Variants in PHRF1 observed in about 807,000 individuals in gnomAD.
The protein encoded by PHRF1 is PHD and RING finger domain-containing protein 1.
A neutral mutation model predicts 128.9 loss-of-function variants in PHRF1; 53 were observed. That is an observed-to-expected ratio of 0.41 (90% confidence interval 0.33 to 0.52). The LOEUF (loss-of-function observed/expected upper bound fraction) is 0.52. Ranked by LOEUF, PHRF1 falls within the 20% of genes least tolerant of loss-of-function variation. The pLI is 0.21. For synonymous variants in PHRF1, 1,178 were observed against 980.6 expected, an observed-to-expected ratio of 1.20 and a Z score of -3.76; for missense variants, 2,503 against 2,284.5, an observed-to-expected ratio of 1.10 and a Z score of -1.95.
At chr11:606,222 TG>T (rs1299186892) in intron 12 of PHRF1, among the ~76,000 whole-genome samples, 1 of 152,298 alleles carries the variant, frequency 6.6e-6, no homozygotes, top group East Asian at 1.9e-4. Flanking sequence ...CTGGTTTCCC[TG>T]GGGCCAGAGC....
Position 610,554 on chromosome 11 carries a change from C to T in PHRF1, c.4470C>T (p.Pro1490=), listed in dbSNP as rs1228310248. ...CGGCCCAGCCCTCAAGCATCCCACC[C>T]TGCGCACTGGTCAGCCAGCCCACGG... ...PAPAQPSSIP[P]CALVSQPTVQ... is the part of the protein sequence containing the mutation. The change falls in exon 16 of 18, where the codon CCC becomes CCT. Residue 1490 remains proline, a synonymous_variant. Transcript: ENST00000264555. The T allele has an allele frequency of 6.8e-6, 11 of 1,606,232 alleles. No homozygotes were observed. Among genetic ancestry groups the T allele is most frequent in the Non-Finnish European group, 8.5e-6 (10 of 1,179,722 alleles).
intron 10 of PHRF1, among the ~76,000 whole-genome samples, chr11:603,676 T>C (rs1855769584): frequency 6.6e-6 from 1 of 151,608 alleles, no homozygotes; most frequent in South Asian, 2.1e-4. Context: ...GTTTATTTCC[T>C]AGTAAATATA....
chr11:593,562 G>A (rs1855106230), intron 6 of PHRF1, among the ~76,000 whole-genome samples: 1 of 152,242 alleles, frequency 6.6e-6, no homozygotes, highest in African/African-American at 2.4e-5. Flanking sequence ...CTCGTTGTTA[G>A]CCACATACCC....
Position 597,415 on chromosome 11 carries a change from G to A in PHRF1, c.739G>A (p.Glu247Lys), listed in dbSNP as rs766773465. 4 of 1,612,898 alleles carry A rather than the reference G, an allele frequency of 2.5e-6. No homozygotes were observed. Among genetic ancestry groups the A allele is most frequent in the Non-Finnish European group, 3.4e-6 (4 of 1,179,548 alleles). Residue 247 changes from glutamate to lysine, a missense_variant, in exon 8 of 18, where the codon GAG (glutamate) becomes AAG (lysine). By Grantham distance (56) the Glu-to-Lys change is moderately conservative. Transcript: ENST00000264555. The surrounding 1 kb of genome is among the most constrained non-coding windows in gnomAD (Gnocchi z 6.5). ...CCCAGATGCGGGTCCCGTGAGTGAG[G>A]AGGAGGTCTCCCTGCTCTTGGCTGA... ...LAADAGPVSE[E>K]EVSLLLADVV...
intron 10 of PHRF1, among the ~76,000 whole-genome samples, chr11:602,963 A>G (rs574734929): frequency 6.4e-4 from 98 of 152,020 alleles, no homozygotes; most frequent in African/African-American, 2.3e-3. Context: ...GGGTTTCACC[A>G]TGTTGATCAG....
At chr11:593,860 C>G (rs1334487615) in intron 6 of PHRF1, among the ~76,000 whole-genome samples, 2 of 152,208 alleles carry the variant, frequency 1.3e-5, no homozygotes, top group African/African-American at 4.8e-5. Flanking sequence ...TCCTTTCTCA[C>G]GAGTCTGAGC....
At chr11:598,797 T>G (rs186876977) in intron 9 of PHRF1, among the ~76,000 whole-genome samples, 4 of 152,346 alleles carry the variant, frequency 2.6e-5, no homozygotes, top group Middle Eastern at 3.4e-3. Flanking sequence ...AGCAGTCTTG[T>G]TATTTTTGCT....
Position 576,555 on chromosome 11 carries a change from G to T in PHRF1, c.-59G>T. ...CGACTCTCGGTCGTGCAGCGGCGGCGAGCGCTCGCGAGCGGCTGCGGGACG... is the reference window on the plus strand; with the variant it reads ...CGACTCTCGGTCGTGCAGCGGCGGCTAGCGCTCGCGAGCGGCTGCGGGACG... On this transcript the variant is annotated 5_prime_UTR_variant, in exon 1 of 18. Transcript: ENST00000264555. The T allele has an allele frequency of 6.6e-6, 1 of 151,922 alleles. No individual in the cohort carries two copies. Among genetic ancestry groups the T allele is most frequent in the South Asian group, 1.9e-4 (1 of 5,276 alleles). 9.4% of individuals were successfully genotyped at this position (151,922 alleles called of 1,614,324 possible).
chr11:604,427 G>A (rs1043347180), intron 10 of PHRF1, among the ~76,000 whole-genome samples: 1 of 152,256 alleles, frequency 6.6e-6, no homozygotes, highest in African/African-American at 2.4e-5. Flanking sequence ...GAAACAGCTA[G>A]TAACTCTTAG....
rs1043495212 is a variant in PHRF1 at position 608,140 on chromosome 11, C to A, written c.2684C>A (p.Pro895His). ...ATCTTTGGTACAGAGCCCGAACCCC[C>A]TCTCGGACCGTCCTCCGCCATGTCC... The part of the protein sequence containing the change: ...ESIFGTEPEP[P>H]LGPSSAMSKL... Residue 895 changes from proline (P) to histidine (H), a missense_variant, in exon 14 of 18, where the codon CCT (proline) becomes CAT (histidine). By Grantham distance (77) the Pro-to-His change is moderately conservative. Transcript: ENST00000264555. The A allele has an allele frequency of 1.2e-6, 2 of 1,611,360 alleles. No homozygotes were observed. Among genetic ancestry groups the A allele is most frequent in the African/African-American group, 2.7e-5 (2 of 74,910 alleles).
In PHRF1 at chr11:606,675, C is replaced by G. The variant is rs143602567; in HGVS notation, c.1609+79C>G. Reference sequence around the variant, plus strand: ...CTGTTCGCAAGCACTCAGCCCATGTCTCAGTCACGGAAGATGTAGCTGAAG... The same window carrying G: ...CTGTTCGCAAGCACTCAGCCCATGTGTCAGTCACGGAAGATGTAGCTGAAG... On this transcript the variant is annotated intron_variant, in intron 13 of 17. Transcript: ENST00000264555. 419 of 1,488,584 alleles carry G rather than the reference C, an allele frequency of 2.8e-4. No homozygotes were observed. In the African/African-American group the frequency reaches 5.3e-3, roughly 19 times the overall value. 92.2% of individuals were successfully genotyped at this position (1,488,584 alleles called of 1,614,324 possible).
intron 6 of PHRF1, among the ~76,000 whole-genome samples, chr11:593,954 A>T (rs765302908): frequency 1.1e-4 from 16 of 152,198 alleles, no homozygotes; most frequent in Non-Finnish European, 1.8e-4. Context: ...GTCTGCTGCC[A>T]GTTGCCCCGG....
At chr11:594,196 G>A (rs115977880) in intron 6 of PHRF1, among the ~76,000 whole-genome samples, 2,397 of 152,308 alleles carry the variant, frequency 0.016, 62 homozygotes, top group African/African-American at 0.055. Context: ...CTGTGGCTGC[G>A]GCCACTCTGG....
chr11:600,835 G>A (rs1295638267), intron 9 of PHRF1, among the ~76,000 whole-genome samples: 1 of 151,982 alleles, frequency 6.6e-6, no homozygotes. Context: ...GCATGGTGGC[G>A]GGCGCCTGTA....
Position 609,274 on chromosome 11 carries a change from A to G in PHRF1, c.3818A>G (p.Asp1273Gly), listed in dbSNP as rs747941325. 5.6e-6 allele frequency: 9 copies of G among 1,612,204 alleles called. No individual in the cohort carries two copies. Among genetic ancestry groups the G allele is most frequent in the Non-Finnish European group, 6.8e-6 (8 of 1,179,858 alleles). Residue 1273 changes from aspartate to glycine, a missense_variant, in exon 14 of 18, where the codon GAT becomes GGT. Physicochemically the swap from Asp to Gly is moderately conservative, Grantham distance 94 (BLOSUM62 -1). Transcript: ENST00000264555. ...GTGGAGGCCGGACACGTCTTTGATG[A>G]TTTCTCAAGCGACGCCGTTTTCATC... Reference protein sequence around the residue: ...DSVEAGHVFDDFSSDAVFIQL... With the variant: ...DSVEAGHVFDGFSSDAVFIQL...
Position 609,251 on chromosome 11 carries a change from G to A in PHRF1, c.3795G>A (p.Val1265=). ...DDLDLDYGDS[V]EAGHVFDDFS... Reference sequence around the variant, plus strand: ...TGGACCTGGATTATGGCGACTCCGTGGAGGCCGGACACGTCTTTGATGATT... The same window carrying A: ...TGGACCTGGATTATGGCGACTCCGTAGAGGCCGGACACGTCTTTGATGATT... The change falls in exon 14 of 18, where the codon GTG becomes GTA. Residue 1265 remains valine, a synonymous_variant. Coordinates refer to ENST00000264555, the MANE Select transcript of PHRF1 (RefSeq NM_001286581.2). 6.2e-7 allele frequency: 1 copy of A among 1,611,772 alleles called. No individual in the cohort carries two copies. Among genetic ancestry groups the A allele is most frequent in the South Asian group, 1.1e-5 (1 of 91,090 alleles).
At position 597,858 on chromosome 11, in the gene PHRF1, A is replaced by G. The variant is rs1855391684; in HGVS notation, c.894+288A>G. ...AAACCCCCCTTGTTCCCCAGGCCCCATGCCAGCACCGCTCCCTCTAGGCAC... is the reference window on the plus strand; with the variant it reads ...AAACCCCCCTTGTTCCCCAGGCCCCGTGCCAGCACCGCTCCCTCTAGGCAC... On this transcript the variant is annotated intron_variant, in intron 8 of 17. Transcript: ENST00000264555. The surrounding 1 kb of genome is among the most constrained non-coding windows in gnomAD (Gnocchi z 6.5). Among the ~76,000 whole-genome samples, 1 of 152,110 alleles carries G rather than the reference A, an allele frequency of 6.6e-6. No individual in the cohort carries two copies.
chr11:608,597 C>A lies in PHRF1; in HGVS notation c.3141C>A (p.Ser1047=), dbSNP rs371780907. 1.1e-3 allele frequency: 1,703 copies of A among 1,612,256 alleles called. 2 individuals are homozygous for A. Among genetic ancestry groups the A allele is most frequent in the Non-Finnish European group, 1.3e-3 (1,486 of 1,179,768 alleles). Residue 1047 remains serine (S), a synonymous_variant, in exon 14 of 18, where the codon TCC becomes TCA. Coordinates refer to ENST00000264555, the MANE Select transcript of PHRF1 (RefSeq NM_001286581.2). ...AGGAGCGCCCCAGGAGGCAGCGGTCCAAGGCCAAGAGCCGGCGGTCCTCCA... is the reference window on the plus strand; with the variant it reads ...AGGAGCGCCCCAGGAGGCAGCGGTCAAAGGCCAAGAGCCGGCGGTCCTCCA... ...VGEERPRRQR[S]KAKSRRSSSD...
At chr11:601,156 A>C (rs1855601526) in intron 9 of PHRF1, among the ~76,000 whole-genome samples, 1 of 151,962 alleles carries the variant, frequency 6.6e-6, no homozygotes, top group Non-Finnish European at 1.5e-5. Flanking sequence ...GTCTCAGAAA[A>C]AAATTTGGGC....
Sources: allele counts gnomAD v4.1 joint callset (sites outside exome capture counted in the v4.1 genomes callset), GRCh38; gene constraint gnomAD v4.1.1; non-coding constraint Gnocchi (gnomAD v3.1); transcripts MANE v1.5; gene names NCBI Gene and HGNC (gene_info 2026-07-23, HGNC 2026-07-21).